The following SPATA3 variants were observed in gnomAD, a reference collection of about 807,000 sequenced individuals.
SPATA3 encodes spermatogenesis associated 3, also known as spermatogenesis-associated protein 3.
In SPATA3, 6 loss-of-function variants were observed where a neutral mutation model predicts 5.7. The ratio of observed to expected loss-of-function variants is 1.06; its 90% CI spans 0.58 to 2.09. The LOEUF (loss-of-function observed/expected upper bound fraction) is 2.09, where lower values mean the gene tolerates loss of function less well. SPATA3 is among the 30% of genes most tolerant of loss of function. The pLI is 0.00. For missense variants in SPATA3, 155 were observed against 130.4 expected, an observed-to-expected ratio of 1.19 and a Z score of -0.92; for synonymous variants, 44 against 48.4, an observed-to-expected ratio of 0.91 and a Z score of 0.37.
downstream of SPATA3, among the ~76,000 whole-genome samples, chr2:231,005,404 C>T (rs1180335705): frequency 1.7e-4 from 20 of 116,458 alleles, no homozygotes; most frequent in African/African-American, 6.5e-4. Context: ...TCACCACCAC[C>T]ACCAGTATCA....
downstream of SPATA3, among the ~76,000 whole-genome samples, chr2:231,011,127 T>C (rs997227413): frequency 1.6e-4 from 23 of 147,560 alleles, no homozygotes; most frequent in African/African-American, 5.5e-4. Context: ...TTGGTTATTA[T>C]GTTATTATTA....
intron 1 of SPATA3, among the ~76,000 whole-genome samples, chr2:230,999,981 C>G (rs1365313648): frequency 1.3e-5 from 2 of 152,174 alleles, no homozygotes; most frequent in African/African-American, 4.8e-5. Flanking sequence ...TACAGGATTA[C>G]TGTGAAATTA....
At chr2:230,996,125 G>A in intron 1 of SPATA3, 1 of 1,215,976 alleles carries the variant, frequency 8.2e-7, no homozygotes, top group Admixed American at 2.8e-5. Context: ...GGGTCCAGCT[G>A]GAGGCCCAAG....
At chr2:230,999,406 T>C (rs1001233549) in intron 1 of SPATA3, among the ~76,000 whole-genome samples, 5 of 152,136 alleles carry the variant, frequency 3.3e-5, no homozygotes, top group Admixed American at 1.3e-4. Context: ...TTAAAAACTT[T>C]TTTGTAATTA....
intron 1 of SPATA3, chr2:230,996,154 G>A: frequency 1.4e-6 from 2 of 1,444,710 alleles, no homozygotes; most frequent in Admixed American, 2.4e-5. Flanking sequence ...CTAGGGCAGA[G>A]GGCAAACGGC....
intron 7 of SPATA3, chr2:231,020,003 A>C (rs1313087303): frequency 7.3e-6 from 1 of 137,094 alleles, no homozygotes; most frequent in East Asian, 2.2e-4. Flanking sequence ...TAAAGTGTGG[A>C]CATACCAAAG....
intron 1 of SPATA3, chr2:230,996,375 C>A (rs1041896671): frequency 1.3e-6 from 2 of 1,546,298 alleles, no homozygotes; most frequent in African/African-American, 2.7e-5. Context: ...CACACCACAG[C>A]AGCCTAGCCC....
intron 6 of SPATA3, among the ~76,000 whole-genome samples, chr2:231,014,681 C>G (rs1692882536): frequency 6.6e-6 from 1 of 152,064 alleles, no homozygotes; most frequent in Non-Finnish European, 1.5e-5. Flanking sequence ...CTCCATCCTT[C>G]CAAAAGGACA....
downstream of SPATA3, among the ~76,000 whole-genome samples, chr2:231,010,126 A>C (rs907539255): frequency 6.6e-6 from 1 of 152,260 alleles, no homozygotes; most frequent in Non-Finnish European, 1.5e-5. Flanking sequence ...TATAGGGGCC[A>C]AGGCCCTTTG....
chr2:231,016,294 C>T (rs779096640), intron 6 of SPATA3, among the ~76,000 whole-genome samples: 1 of 152,114 alleles, frequency 6.6e-6, no homozygotes, highest in Non-Finnish European at 1.5e-5. Flanking sequence ...GTTCAGCTCT[C>T]CTCAGAGGAG....
downstream of SPATA3, among the ~76,000 whole-genome samples, chr2:231,005,702 A>G (rs1458414329): frequency 6.6e-6 from 1 of 150,582 alleles, no homozygotes; most frequent in Admixed American, 6.6e-5. Flanking sequence ...GCACCTGGCA[A>G]TTCTGCACAT....
intron 1 of SPATA3, among the ~76,000 whole-genome samples, chr2:230,997,201 G>C (rs1203103957): frequency 6.6e-6 from 1 of 152,232 alleles, no homozygotes; most frequent in Non-Finnish European, 1.5e-5. Flanking sequence ...AATCACGGGG[G>C]AGGGTCTTTT....
chr2:231,019,236 C>G (rs372527346), intron 6 of SPATA3, among the ~76,000 whole-genome samples: 2 of 146,660 alleles, frequency 1.4e-5, no homozygotes, highest in Non-Finnish European at 3.0e-5. Flanking sequence ...CCCAAAGTGC[C>G]GGGATTACAG....
intron 6 of SPATA3, among the ~76,000 whole-genome samples, chr2:231,017,883 A>G (rs1692971726): frequency 6.6e-6 from 1 of 152,088 alleles, no homozygotes; most frequent in African/African-American, 2.4e-5. Flanking sequence ...TCTCAGGAGA[A>G]GGAGATTAGA....
At chr2:231,019,158 A>T (rs1466374639) in intron 6 of SPATA3, among the ~76,000 whole-genome samples, 3 of 148,726 alleles carry the variant, frequency 2.0e-5, no homozygotes, top group South Asian at 4.2e-4. Context: ...TTTAGTAGAG[A>T]CGGGGTTTCA....
chr2:231,019,560 G>A (rs1397306269), intron 6 of SPATA3, among the ~76,000 whole-genome samples: 7 of 150,084 alleles, frequency 4.7e-5, no homozygotes, highest in Admixed American at 1.3e-4. Flanking sequence ...TCCTGACCTC[G>A]TGATTCACCC....
At chr2:231,013,692 G>T (rs1042463024) in intron 5 of SPATA3, among the ~76,000 whole-genome samples, 2 of 152,056 alleles carry the variant, frequency 1.3e-5, no homozygotes, top group Non-Finnish European at 2.9e-5. Flanking sequence ...GCTTCACCGT[G>T]TTGGTCAGTC....
intron 1 of SPATA3, among the ~76,000 whole-genome samples, chr2:230,997,722 A>G (rs978017454): frequency 9.2e-5 from 14 of 152,228 alleles, no homozygotes; most frequent in East Asian, 5.8e-4. Flanking sequence ...GGAGCCAAAC[A>G]GTGTCTGTAT....
exon 7 of SPATA3, chr2:231,019,853 G>A (rs1485471466): frequency 6.6e-6 from 1 of 150,678 alleles, no homozygotes; most frequent in Non-Finnish European, 1.5e-5. Flanking sequence ...AAAATATGGT[G>A]CATGGACATG....
Sources: gnomAD v4.1 joint callset for allele counts (sites outside exome capture counted in the v4.1 genomes callset) on GRCh38, gnomAD v4.1.1 for gene constraint, MANE v1.5 for transcripts, NCBI Gene and HGNC (gene_info 2026-07-23, HGNC 2026-07-21) for gene names.